Variants in QTMAN observed in about 807,000 individuals in gnomAD.
The protein encoded by QTMAN is tRNA-queuosine alpha-mannosyltransferase.
At chr2:144,269,171 G>A in the QTMAN span, among the ~76,000 whole-genome samples, 2 of 152,006 alleles carry the variant, frequency 1.3e-5, no homozygotes, top group African/African-American at 4.8e-5. Context: ...CATAATATAC[G>A]CTAACTGATA....
chr2:143,992,035 C>T, the QTMAN span, among the ~76,000 whole-genome samples: 2 of 152,228 alleles, frequency 1.3e-5, no homozygotes, highest in African/African-American at 2.4e-5. Context: ...GGAAGGTGTG[C>T]CCAACAGCTC....
At chr2:144,158,954 G>A in the QTMAN span, among the ~76,000 whole-genome samples, 5 of 151,958 alleles carry the variant, frequency 3.3e-5, no homozygotes, top group Non-Finnish European at 5.9e-5. Context: ...AATATAGGGT[G>A]GGGTTTTTGC....
At chr2:144,272,239 G>A in the QTMAN span, among the ~76,000 whole-genome samples, 1 of 152,102 alleles carries the variant, frequency 6.6e-6, no homozygotes, top group East Asian at 1.9e-4. Flanking sequence ...ACTCAGTTAT[G>A]CATCTATTGT....
At chr2:144,295,624 G>C in the QTMAN span, among the ~76,000 whole-genome samples, 2 of 151,984 alleles carry the variant, frequency 1.3e-5, no homozygotes, top group Non-Finnish European at 2.9e-5. Context: ...TTTTGTTTTT[G>C]TATTTTGAGA....
chr2:143,963,147 T>C, the QTMAN span, among the ~76,000 whole-genome samples: 1 of 152,120 alleles, frequency 6.6e-6, no homozygotes, highest in African/African-American at 2.4e-5. Context: ...CACCTATACA[T>C]AGGGGAAAGT....
the QTMAN span, chr2:143,946,637 C>A: frequency 1.3e-5 from 2 of 158,628 alleles, no homozygotes; most frequent in Non-Finnish European, 2.8e-5. Context: ...AGTTTGGCTG[C>A]CATCGTGTCG....
At chr2:144,265,173 C>G in the QTMAN span, among the ~76,000 whole-genome samples, 3 of 152,168 alleles carry the variant, frequency 2.0e-5, no homozygotes, top group Non-Finnish European at 4.4e-5. Flanking sequence ...ACTCCTAAGA[C>G]AGACCCACTC....
chr2:144,156,718 G>A, the QTMAN span, among the ~76,000 whole-genome samples: 12 of 152,080 alleles, frequency 7.9e-5, no homozygotes, highest in Admixed American at 2.0e-4. Context: ...AAATGCTTCC[G>A]TTGATCACAA....
the QTMAN span, chr2:144,141,752 G>C: frequency 6.3e-6 from 4 of 633,746 alleles, no homozygotes; most frequent in Non-Finnish European, 1.1e-5. Flanking sequence ...AGCATGGTGA[G>C]ATAGAACTTA....
At chr2:144,126,455 G>A in the QTMAN span, among the ~76,000 whole-genome samples, 1 of 151,828 alleles carries the variant, frequency 6.6e-6, no homozygotes. Flanking sequence ...TTACCAACCT[G>A]GTTATGATTG....
At chr2:144,116,775 T>A in the QTMAN span, among the ~76,000 whole-genome samples, 1 of 152,192 alleles carries the variant, frequency 6.6e-6, no homozygotes, top group South Asian at 2.1e-4. Context: ...CCCATGAGGC[T>A]AATAGGGAAA....
At chr2:144,094,442 ATTTCT>A in the QTMAN span, among the ~76,000 whole-genome samples, 1 of 152,202 alleles carries the variant, frequency 6.6e-6, no homozygotes, top group Admixed American at 6.5e-5. Flanking sequence ...AGACTGAGTA[ATTTCT>A]TTTAAGAAGA....
the QTMAN span, among the ~76,000 whole-genome samples, chr2:144,106,970 C>T: frequency 1.3e-5 from 2 of 152,332 alleles, no homozygotes; most frequent in Middle Eastern, 6.8e-3. Context: ...AACCTCTCTA[C>T]TACATGGAAA....
chr2:144,007,680 A>G, the QTMAN span: 1 of 582,338 alleles, frequency 1.7e-6, no homozygotes, highest in Non-Finnish European at 2.8e-6. Flanking sequence ...AAAAGTGTAA[A>G]AAGTAGTAGC....
At chr2:144,023,979 A>G in the QTMAN span, among the ~76,000 whole-genome samples, 1 of 152,212 alleles carries the variant, frequency 6.6e-6, no homozygotes, top group Non-Finnish European at 1.5e-5. Flanking sequence ...CACATTTAAC[A>G]CTTCAGTAAT....
chr2:144,054,790 C>T, the QTMAN span, among the ~76,000 whole-genome samples: 2 of 152,188 alleles, frequency 1.3e-5, no homozygotes, highest in Non-Finnish European at 2.9e-5. Context: ...GAATGCAACT[C>T]CTTACTATAA....
chr2:144,046,846 G>C, the QTMAN span, among the ~76,000 whole-genome samples: 6 of 152,120 alleles, frequency 3.9e-5, no homozygotes, highest in African/African-American at 1.4e-4. Flanking sequence ...GAAGATTAAC[G>C]GTACTTATGA....
chr2:144,190,276 C>T, the QTMAN span, among the ~76,000 whole-genome samples: 1 of 152,198 alleles, frequency 6.6e-6, no homozygotes, highest in East Asian at 1.9e-4. Flanking sequence ...GTTAAAGTTT[C>T]CCATAATGTC....
At chr2:143,990,279 T>C in the QTMAN span, among the ~76,000 whole-genome samples, 3 of 152,178 alleles carry the variant, frequency 2.0e-5, no homozygotes. Context: ...AGACAGACAT[T>C]CTTAATTTGG....
Sources: allele counts gnomAD v4.1 joint callset (sites outside exome capture counted in the v4.1 genomes callset), GRCh38; gene constraint gnomAD v4.1.1; transcripts MANE v1.5; gene names NCBI Gene and HGNC (gene_info 2026-07-23, HGNC 2026-07-21).